SSX7: variants seen among roughly 807,000 people sequenced by gnomAD.
The protein encoded by SSX7 is protein SSX7.
Under a neutral mutation model 14.7 loss-of-function variants are expected in SSX7, and 15 were observed. The observed-to-expected ratio is 1.02, with a 90% CI of 0.68 to 1.58. The LOEUF (loss-of-function observed/expected upper bound fraction) is 1.58. Among genes scored for constraint, SSX7 ranks in the 40% most tolerant of loss-of-function variants. The pLI, the probability that SSX7 is intolerant of heterozygous loss-of-function variation, is 0.00. For missense variants in SSX7, 178 were observed against 146.8 expected (o/e 1.21, Z -1.10); for synonymous variants, 46 against 50.6 (o/e 0.91, Z 0.38).
At chrX:52,648,194 C>G in intron 6 of SSX7, 67 bp downstream of exon 6, 1 of 1,173,479 alleles carries the variant, frequency 8.5e-7, no homozygotes, top group Non-Finnish European at 1.1e-6. Context: ...ATGCCACACA[C>G]CCAGTCCACA....
intron 5 of SSX7, among the ~76,000 whole-genome samples, chrX:52,649,815 A>G (rs1925371444): frequency 8.9e-6 from 1 of 112,712 alleles, no homozygotes; most frequent in Non-Finnish European, 1.9e-5. Context: ...TTCATAAACA[A>G]ATGCAAACGT....
At chrX:52,649,292 G>A (rs1368248493) in intron 5 of SSX7, among the ~76,000 whole-genome samples, 1 of 111,581 alleles carries the variant, frequency 9.0e-6, no homozygotes, top group African/African-American at 3.3e-5. Flanking sequence ...GCCTCCCAAA[G>A]TGCTGGGATT....
chrX:52,649,760 C>T (rs1448266460), intron 5 of SSX7, among the ~76,000 whole-genome samples: 4 of 112,424 alleles, frequency 3.6e-5, no homozygotes, highest in African/African-American at 1.3e-4. Flanking sequence ...AATGGAAGCA[C>T]CAGCAGGCCC....
intron 6 of SSX7, among the ~76,000 whole-genome samples, chrX:52,647,951 G>A (rs1925302046): frequency 8.9e-6 from 1 of 111,839 alleles, no homozygotes; most frequent in Non-Finnish European, 1.9e-5. Flanking sequence ...CATGTCATCA[G>A]GCCTTCTAGA....
intron 6 of SSX7, among the ~76,000 whole-genome samples, chrX:52,647,648 C>T (rs1308073499): frequency 8.9e-6 from 1 of 112,124 alleles, no homozygotes; most frequent in Non-Finnish European, 1.9e-5. Context: ...AAGAGTGAGT[C>T]ACTGAAGACT....
chrX:52,644,905 G>T (rs1556766144), intron 7 of SSX7, among the ~76,000 whole-genome samples: 1 of 111,322 alleles, frequency 9.0e-6, no homozygotes, highest in Non-Finnish European at 1.9e-5. Flanking sequence ...ATACAGGGCT[G>T]ATCTGGAGTT....
chrX:52,650,472 T>C, intron 4 of SSX7, 70 bp from the exon 5 acceptor site: 1 of 1,077,903 alleles, frequency 9.3e-7, no homozygotes, highest in East Asian at 3.0e-5. Flanking sequence ...TTCTGTAGCA[T>C]CAGGGTATTC....
At chrX:52,647,713 A>C (rs1252664074) in intron 6 of SSX7, among the ~76,000 whole-genome samples, 15 of 111,737 alleles carry the variant, frequency 1.3e-4, no homozygotes, top group Non-Finnish European at 2.6e-4. Flanking sequence ...AGGTATGTAC[A>C]TTTTTAGACA....
At chrX:52,644,967 G>A (rs1337728540) in intron 7 of SSX7, among the ~76,000 whole-genome samples, 1 of 111,108 alleles carries the variant, frequency 9.0e-6, no homozygotes, top group African/African-American at 3.3e-5. Flanking sequence ...TACAGGGCAG[G>A]GAGTAAAAAG....
At chrX:52,652,674 G>A (rs1314659094) in intron 3 of SSX7, among the ~76,000 whole-genome samples, 196 bp downstream of exon 3, 1 of 110,864 alleles carries the variant, frequency 9.0e-6, no homozygotes, top group Admixed American at 9.7e-5. Flanking sequence ...ATCCAGGTAT[G>A]AGCTCCACTG....
intron 7 of SSX7, 123 bp downstream of exon 7, chrX:52,645,316 G>C: frequency 8.7e-7 from 1 of 1,144,052 alleles, no homozygotes. Flanking sequence ...CGGCCTCAAT[G>C]CTGTACCCTA....
At chrX:52,650,538 C>G (rs1556766905) in intron 4 of SSX7, 136 bp from the exon 5 acceptor site, 2 of 735,193 alleles carry the variant, frequency 2.7e-6, no homozygotes, top group African/African-American at 4.2e-5. Context: ...AGTTTTGCTT[C>G]TGAATTATGT....
At chrX:52,653,281 G>T (rs1925500198) in intron 2 of SSX7, 123 bp downstream of exon 2, 4 of 1,205,975 alleles carry the variant, frequency 3.3e-6, no homozygotes, top group Non-Finnish European at 4.5e-6. Flanking sequence ...GGCTCTCAAG[G>T]ATCCAGATCT....
At position 52,650,337 on chromosome X, in the gene SSX7, T is replaced by C. The variant is rs782282120; in HGVS notation, c.330+16A>G. ...GACAAAGGTTCTCTGGTCCTTTAGA[T>C]CTGAGAGACACTCACCTTCGGGAAG... On this transcript the variant is annotated intron_variant, in intron 5 of 7. Coordinates refer to ENST00000298181, the MANE Select transcript of SSX7 (RefSeq NM_173358.2). 8.3e-7 allele frequency: 1 copy of C among 1,207,994 alleles called. No individual in the cohort carries two copies. The highest frequency in any genetic ancestry group is 1.8e-5 in the South Asian group (1 of 56,860).
At chrX:52,654,364 G>T (rs868942770) in intron 1 of SSX7, among the ~76,000 whole-genome samples, 18 of 60,923 alleles carry the variant, frequency 3.0e-4, no homozygotes, top group East Asian at 1.9e-3. Context: ...ATTTGAGTGA[G>T]TTTTTTTTTT....
rs2492317 is a variant in SSX7 at position 52,644,636 on chromosome X, G to A, written c.*39C>T. ...TGTTCGTGAAAGGTCACCACGTTCT[G>A]CTTCTCATCATGGGCATATGTCGTA... On this transcript the variant is annotated 3_prime_UTR_variant, in exon 8 of 8. Coordinates refer to ENST00000298181, the MANE Select transcript of SSX7 (RefSeq NM_173358.2). 6.5e-5 allele frequency: 78 copies of A among 1,193,549 alleles called. No homozygotes were observed. The highest frequency in any genetic ancestry group is 3.3e-4 in the Admixed American group (15 of 45,656).
At chrX:52,653,731 G>C (rs1460427046) in intron 1 of SSX7, among the ~76,000 whole-genome samples, 2 of 110,769 alleles carry the variant, frequency 1.8e-5, no homozygotes, top group Admixed American at 9.7e-5. Context: ...AAGCAGCCTT[G>C]AGTCTTTGGG....
intron 5 of SSX7, 111 bp downstream of exon 5, chrX:52,650,242 T>A: frequency 1.1e-6 from 1 of 952,282 alleles, no homozygotes; most frequent in Non-Finnish European, 1.5e-6. Context: ...GTGATAGACA[T>A]GGGGAGAAGG....
At chrX:52,649,028 C>CT (rs782343480) in intron 5 of SSX7, among the ~76,000 whole-genome samples, 1,764 of 106,948 alleles carry the variant, frequency 0.016, 10 homozygotes, top group Middle Eastern at 0.053. Flanking sequence ...TCTTAAGCTA[C>CT]TTTTTTTTTT....
Sources: allele counts gnomAD v4.1 joint callset (sites outside exome capture counted in the v4.1 genomes callset), GRCh38; gene constraint gnomAD v4.1.1; transcripts MANE v1.5; gene names NCBI Gene and HGNC (gene_info 2026-07-23, HGNC 2026-07-21).